The following GGA3 variants were observed in gnomAD, a reference collection of about 807,000 sequenced individuals.
GGA3 encodes ADP-ribosylation factor-binding protein GGA3.
In GGA3, 57 loss-of-function variants were observed where a neutral mutation model predicts 77.5. The observed-to-expected ratio is 0.74, with a 90% confidence interval of 0.59 to 0.92. The LOEUF is 0.92. Ranked by LOEUF, GGA3 falls within the 40% of genes least tolerant of loss-of-function variation. GGA3 has a pLI of 0.00. For synonymous variants in GGA3, 416 were observed against 383.7 expected (o/e 1.08, Z -0.98); for missense variants, 970 against 914.9 (o/e 1.06, Z -0.78).
intron 8 of GGA3, 89 bp downstream of exon 8, chr17:75,242,247 C>T: frequency 3.7e-6 from 5 of 1,368,654 alleles, no homozygotes; most frequent in Non-Finnish European, 5.2e-6. Flanking sequence ...GCCCGTGTCT[C>T]TGACAAGGCA....
chr17:75,240,348 C>T lies in GGA3; in HGVS notation c.1257G>A (p.Leu419=), dbSNP rs762617006. ...ACCGATCCTGTGCCCCTACCTGGAG[C>T]AGGTGCCACTGGCTGTTCCCAGCTG... is the stretch of plus-strand genomic sequence containing the variant. ...KESAGNSQWH[L]LQREQSDLDF... The change falls in exon 12 of 17, where the codon CTG becomes CTA. Residue 419 remains leucine (L), a synonymous_variant. Coordinates refer to ENST00000537686, the MANE Select transcript of GGA3 (RefSeq NM_138619.4). The T allele has an allele frequency of 1.3e-6, 2 of 1,592,382 alleles. No homozygotes were observed. The highest frequency in any genetic ancestry group is 1.1e-5 in the South Asian group (1 of 87,458).
intron 10 of GGA3, 127 bp downstream of exon 10, chr17:75,241,273 G>C: frequency 1.3e-6 from 1 of 774,226 alleles, no homozygotes; most frequent in Admixed American, 2.3e-5. Flanking sequence ...GGATTGCTTG[G>C]AATGGCAAAG....
At chr17:75,240,515 T>TG (rs1555581231) in intron 11 of GGA3, 103 bp from the exon 12 acceptor site, 1 of 768,364 alleles carries the variant, frequency 1.3e-6, no homozygotes, top group Non-Finnish European at 2.2e-6. Flanking sequence ...CATCAATGGG[T>TG]GAAGGCGCCG....
chr17:75,238,839 C>A, intron 15 of GGA3, 75 bp downstream of exon 15: 1 of 1,568,272 alleles, frequency 6.4e-7, no homozygotes. Flanking sequence ...CACACACTGC[C>A]ACCTGCTGGC....
chr17:75,258,665 G>C (rs1201485647), intron 1 of GGA3, among the ~76,000 whole-genome samples: 1 of 152,084 alleles, frequency 6.6e-6, no homozygotes, highest in African/African-American at 2.4e-5. Flanking sequence ...GCAAGACTCT[G>C]TCTCAAATAA....
chr17:75,256,414 C>G (rs917044067), intron 1 of GGA3, among the ~76,000 whole-genome samples: 1 of 152,030 alleles, frequency 6.6e-6, no homozygotes, highest in Non-Finnish European at 1.5e-5. Context: ...TGGCCCGGAC[C>G]TCAATCTGGC....
At position 75,261,576 on chromosome 17, in the gene GGA3, C is replaced by A. The variant is rs139747861; in HGVS notation, c.12G>T (p.Ala4=). The change falls in exon 1 of 17, where the codon GCG becomes GCT. Residue 4 remains alanine, a synonymous_variant. Transcript: ENST00000537686. MAE[A]EGESLESWLN... ...GCCAGGACTCCAGGCTTTCCCCTTC[C>A]GCCTCCGCCATATTGCAGCCGCCCG... The A allele has an allele frequency of 2.2e-5, 35 of 1,555,568 alleles. No homozygotes were observed. The African/African-American group carries it at 4.6e-4, about 20-fold the overall frequency.
chr17:75,254,078 C>T (rs536023915), intron 1 of GGA3, among the ~76,000 whole-genome samples: 4 of 152,184 alleles, frequency 2.6e-5, no homozygotes, highest in South Asian at 2.1e-4. Context: ...TTTCACACTT[C>T]GTTCCCTCTC....
At position 75,241,491 on chromosome 17, in the gene GGA3, G is replaced by C; in HGVS notation, c.855C>G (p.Asn285Lys). The change falls in exon 10 of 17, where the codon AAC becomes AAG. Residue 285 changes from asparagine (N) to lysine (K), a missense_variant. Asn to Lys is a moderately conservative substitution (Grantham distance 94, BLOSUM62 0). Coordinates refer to ENST00000537686, the MANE Select transcript of GGA3 (RefSeq NM_138619.4). ...SLGDILQASDNLSRVINSYKT... is the reference protein window; with the variant it reads ...SLGDILQASDKLSRVINSYKT... ...TGTAAGAGTTGATGACCCGGGAGAG[G>C]TTGTCACTGGCTTGCAGGATGTCCC... The C allele has an allele frequency of 1.9e-6, 3 of 1,613,818 alleles. No individual in the cohort carries two copies. Among genetic ancestry groups the C allele is most frequent in the Non-Finnish European group, 2.5e-6 (3 of 1,179,716 alleles).
At chr17:75,241,749 C>T in intron 8 of GGA3, 53 bp from the exon 9 acceptor site, 2 of 1,444,490 alleles carry the variant, frequency 1.4e-6, no homozygotes, top group South Asian at 1.1e-5. Flanking sequence ...TAGAGATCAT[C>T]TGATTCATTC....
intron 10 of GGA3, 114 bp from the exon 11 acceptor site, chr17:75,241,171 A>G (rs2076542086): frequency 6.4e-6 from 8 of 1,252,504 alleles, no homozygotes; most frequent in Admixed American, 1.8e-5. Context: ...GCCTAATCCA[A>G]CGGCATCTCT....
In GGA3 at chr17:75,237,617, C is replaced by T. The variant is rs2076364771; in HGVS notation, c.*662G>A. On this transcript the variant is annotated 3_prime_UTR_variant, in exon 17 of 17. Transcript: ENST00000537686. ...CATGAGGCCAAATTCCATGTCCTGC[C>T]AAGATGTCCATAGGACACAGCCTGC... 1 of 1,527,486 alleles carries T rather than the reference C, an allele frequency of 6.5e-7. No individual in the cohort carries two copies. Among genetic ancestry groups the T allele is most frequent in the South Asian group, 1.2e-5 (1 of 82,546 alleles). 94.6% of individuals were successfully genotyped at this position (1,527,486 alleles called of 1,614,324 possible).
intron 1 of GGA3, among the ~76,000 whole-genome samples, chr17:75,248,098 G>A (rs1209322553): frequency 6.6e-6 from 1 of 152,138 alleles, no homozygotes. Context: ...GGGTGTCAGA[G>A]CCCCTCCCGA....
chr17:75,239,041 C>T lies in GGA3; in HGVS notation c.1823G>A (p.Arg608His), dbSNP rs758561129. 3.7e-6 allele frequency: 6 copies of T among 1,613,696 alleles called. No individual in the cohort carries two copies. In the African/African-American group the frequency reaches 4.0e-5, roughly 11 times the overall value. The change falls in exon 15 of 17, where the codon CGC (arginine) becomes CAC (histidine). Residue 608 changes from arginine to histidine, a missense_variant. Coordinates refer to ENST00000537686, the MANE Select transcript of GGA3 (RefSeq NM_138619.4). ...PVTAYDKNGF[R>H]ILFHFAKECP... is the part of the protein sequence containing the mutation. ...CTCCTTGGCAAAGTGGAAGAGGATG[C>T]GGAAGCCGTTTTTATCGTAGGCTGT...
intron 1 of GGA3, among the ~76,000 whole-genome samples, chr17:75,257,558 T>C (rs1487512370): frequency 6.6e-6 from 1 of 152,142 alleles, no homozygotes; most frequent in Non-Finnish European, 1.5e-5. Flanking sequence ...TCTTAGACCT[T>C]TTATACCTGT....
At chr17:75,246,437 T>A in intron 3 of GGA3, 72 bp downstream of exon 3, 1 of 1,003,082 alleles carries the variant, frequency 1.0e-6, no homozygotes, top group Non-Finnish European at 1.6e-6. Flanking sequence ...TAAGAACCGC[T>A]ATGGGGACAC....
chr17:75,252,231 G>A (rs779852287), intron 1 of GGA3, among the ~76,000 whole-genome samples: 18 of 151,336 alleles, frequency 1.2e-4, no homozygotes, highest in Middle Eastern at 3.4e-3. Context: ...ACAGGCGTGT[G>A]CTTGTTCTTT....
chr17:75,248,880 C>A, intron 1 of GGA3: 1 of 984,574 alleles, frequency 1.0e-6, no homozygotes, highest in Non-Finnish European at 1.2e-6. Flanking sequence ...CCAGCTCCTT[C>A]ACTGGCAACA....
upstream of GGA3, chr17:75,262,055 C>A: frequency 6.5e-7 from 1 of 1,547,010 alleles, no homozygotes; most frequent in Non-Finnish European, 8.8e-7. Flanking sequence ...GCCGCGTGGG[C>A]CCCTAGAGAG....
Sources: gnomAD v4.1 joint callset for allele counts (sites outside exome capture counted in the v4.1 genomes callset) on GRCh38, gnomAD v4.1.1 for gene constraint, MANE v1.5 for transcripts, NCBI Gene and HGNC (gene_info 2026-07-23, HGNC 2026-07-21) for gene names.